The following CLSTN2 variants were observed in gnomAD, a reference collection of about 807,000 sequenced individuals.
The protein encoded by CLSTN2 is calsyntenin-2.
Under a neutral mutation model 101.2 loss-of-function variants are expected in CLSTN2, and 48 were observed. The ratio of observed to expected loss-of-function variants is 0.47; its 90% CI spans 0.38 to 0.60. The LOEUF is 0.60. CLSTN2 is among the 20% of genes least tolerant of loss of function. The pLI, the probability that CLSTN2 is intolerant of heterozygous loss-of-function variation, is 0.00. For missense variants in CLSTN2, 1,160 were observed against 1,238.2 expected (o/e 0.94, Z 0.95); for synonymous variants, 481 against 463.6 (o/e 1.04, Z -0.48).
intron 8 of CLSTN2, among the ~76,000 whole-genome samples, chr3:140,503,422 C>A (rs1934619757): frequency 1.3e-5 from 2 of 152,192 alleles, no homozygotes; most frequent in African/African-American, 4.8e-5. Flanking sequence ...ACAGTAACAT[C>A]CTGTACAGGT....
chr3:140,137,773 A>G (rs2009637040), intron 1 of CLSTN2, among the ~76,000 whole-genome samples: 1 of 152,220 alleles, frequency 6.6e-6, no homozygotes, highest in Non-Finnish European at 1.5e-5. Flanking sequence ...GGCAGACAAC[A>G]TCGGTAGAGC....
At chr3:140,124,607 G>A (rs1444241456) in intron 1 of CLSTN2, among the ~76,000 whole-genome samples, 1 of 152,208 alleles carries the variant, frequency 6.6e-6, no homozygotes, top group Non-Finnish European at 1.5e-5. Context: ...ATGGATAGCA[G>A]TGCCAATAAC....
chr3:140,241,874 T>TATATACAC (rs2086471501), intron 2 of CLSTN2, among the ~76,000 whole-genome samples: 2 of 60,044 alleles, frequency 3.3e-5, no homozygotes, highest in East Asian at 2.4e-4. Context: ...TATACACATA[T>TATATACAC]ATATATACAC....
At chr3:140,150,448 C>T (rs73868777) in intron 1 of CLSTN2, among the ~76,000 whole-genome samples, 2,260 of 152,294 alleles carry the variant, frequency 0.015, 62 homozygotes, top group African/African-American at 0.052. Context: ...GCTCTCCCTT[C>T]ACTAAAGTAT....
intron 4 of CLSTN2, among the ~76,000 whole-genome samples, chr3:140,408,069 G>A (rs909145160): frequency 2.0e-5 from 3 of 152,176 alleles, no homozygotes; most frequent in Non-Finnish European, 4.4e-5. Context: ...CAGGAGTCCA[G>A]TTGAGAAGAT....
chr3:140,302,816 A>C (rs556175543), intron 2 of CLSTN2, among the ~76,000 whole-genome samples: 1 of 152,152 alleles, frequency 6.6e-6, no homozygotes, highest in Non-Finnish European at 1.5e-5. Flanking sequence ...GAGACAGAGA[A>C]AGGTGGCTTG....
intron 8 of CLSTN2, among the ~76,000 whole-genome samples, chr3:140,470,773 C>T (rs1933825208): frequency 6.6e-6 from 1 of 152,170 alleles, no homozygotes; most frequent in African/African-American, 2.4e-5. Flanking sequence ...GCAAATATAA[C>T]TCATGCGGGG....
intron 1 of CLSTN2, among the ~76,000 whole-genome samples, chr3:140,152,579 A>G (rs1420224802): frequency 6.6e-6 from 1 of 152,188 alleles, no homozygotes; most frequent in African/African-American, 2.4e-5. Flanking sequence ...TAGTAAATAA[A>G]TATTTGTTGT....
At chr3:140,111,438 G>T (rs1020782014) in intron 1 of CLSTN2, among the ~76,000 whole-genome samples, 1 of 152,146 alleles carries the variant, frequency 6.6e-6, no homozygotes, top group African/African-American at 2.4e-5. Context: ...TACCTGGAGA[G>T]ACCTCGCAAA....
chr3:140,160,375 A>T (rs1168005474), intron 1 of CLSTN2, among the ~76,000 whole-genome samples: 1 of 151,730 alleles, frequency 6.6e-6, no homozygotes, highest in Non-Finnish European at 1.5e-5. Flanking sequence ...AATTTTTTAG[A>T]CTCTCCCAAC....
intron 4 of CLSTN2, among the ~76,000 whole-genome samples, chr3:140,420,816 A>G (rs2088495002): frequency 6.6e-6 from 1 of 152,186 alleles, no homozygotes; most frequent in Admixed American, 6.5e-5. Flanking sequence ...GTACTTCAGG[A>G]GGAAGTCTTC....
chr3:140,221,329 A>C (rs1275040054), intron 2 of CLSTN2, among the ~76,000 whole-genome samples: 1 of 152,226 alleles, frequency 6.6e-6, no homozygotes, highest in African/African-American at 2.4e-5. Context: ...TGTGGAAATA[A>C]TATTTTTGAT....
intron 2 of CLSTN2, among the ~76,000 whole-genome samples, chr3:140,256,599 A>G (rs181652945): frequency 2.0e-5 from 3 of 152,294 alleles, no homozygotes; most frequent in Admixed American, 2.0e-4. Context: ...TGATATTTCC[A>G]TTCTCTGTCA....
chr3:140,165,604 G>C (rs2010123204), intron 1 of CLSTN2, among the ~76,000 whole-genome samples: 1 of 151,976 alleles, frequency 6.6e-6, no homozygotes, highest in Admixed American at 6.6e-5. Flanking sequence ...GTAGGCACAG[G>C]GGTAGACAGC....
chr3:140,217,769 A>G (rs2010938292), intron 2 of CLSTN2, among the ~76,000 whole-genome samples: 1 of 152,232 alleles, frequency 6.6e-6, no homozygotes, highest in African/African-American at 2.4e-5. Context: ...GCCTTAGAAA[A>G]CCAGAACACT....
chr3:139,950,852 G>A (rs1018636659), intron 1 of CLSTN2, among the ~76,000 whole-genome samples: 9 of 152,160 alleles, frequency 5.9e-5, no homozygotes, highest in South Asian at 2.1e-4. Context: ...TTGTCAGTTC[G>A]CAGCAACACC....
At chr3:140,358,535 T>G (rs2087696860) in intron 2 of CLSTN2, among the ~76,000 whole-genome samples, 1 of 152,166 alleles carries the variant, frequency 6.6e-6, no homozygotes, top group African/African-American at 2.4e-5. Context: ...GAAATGCCTT[T>G]CAGCCATGGA....
chr3:140,072,947 G>A (rs968073431), intron 1 of CLSTN2, among the ~76,000 whole-genome samples: 2 of 152,150 alleles, frequency 1.3e-5, no homozygotes, highest in Admixed American at 6.5e-5. Flanking sequence ...ATTCTACCCG[G>A]AGGACTCAAT....
intron 2 of CLSTN2, among the ~76,000 whole-genome samples, chr3:140,293,633 A>G (rs1250184343): frequency 6.6e-6 from 1 of 152,158 alleles, no homozygotes; most frequent in Non-Finnish European, 1.5e-5. Flanking sequence ...GGATGAGGGA[A>G]AGGATGAGTT....
Sources: gnomAD v4.1 joint callset for allele counts (sites outside exome capture counted in the v4.1 genomes callset) on GRCh38, gnomAD v4.1.1 for gene constraint, MANE v1.5 for transcripts, NCBI Gene and HGNC (gene_info 2026-07-23, HGNC 2026-07-21) for gene names.